The following SLC7A7 variants were observed in gnomAD, a reference collection of about 807,000 sequenced individuals.
The protein encoded by SLC7A7 is Y+L amino acid transporter 1.
A neutral mutation model predicts 47.9 loss-of-function variants in SLC7A7; 39 were observed. That is an observed-to-expected ratio of 0.81 (90% confidence interval 0.63 to 1.06). SLC7A7 has a LOEUF of 1.06. Ranked by LOEUF, SLC7A7 falls within the 50% of genes least tolerant of loss-of-function variation. The pLI is 0.00. For missense variants in SLC7A7, 588 were observed against 632.0 expected (o/e 0.93, Z 0.75); for synonymous variants, 234 against 242.8 (o/e 0.96, Z 0.34).
intron 2 of SLC7A7, among the ~76,000 whole-genome samples, chr14:22,810,710 G>A (rs2039292847): frequency 6.6e-6 from 1 of 152,144 alleles, no homozygotes. Context: ...GGGCACAGTG[G>A]CTCATGCCTG....
At chr14:22,809,663 G>A (rs1044568619) in intron 2 of SLC7A7, among the ~76,000 whole-genome samples, 2 of 151,876 alleles carry the variant, frequency 1.3e-5, no homozygotes, top group African/African-American at 4.8e-5. Context: ...TTAGTAGAGA[G>A]GGGGTTTCAC....
chr14:22,814,088 C>A (rs1450836154), intron 1 of SLC7A7, among the ~76,000 whole-genome samples: 4 of 151,748 alleles, frequency 2.6e-5, no homozygotes, highest in African/African-American at 4.8e-5. Context: ...CCTTGCCCAG[C>A]CTCCAACTTG....
chr14:22,800,062 G>A (rs1338954444), intron 2 of SLC7A7, among the ~76,000 whole-genome samples: 1 of 152,072 alleles, frequency 6.6e-6, no homozygotes, highest in East Asian at 1.9e-4. Context: ...AAGTCTCCCT[G>A]TCCCCAAAAC....
intron 2 of SLC7A7, among the ~76,000 whole-genome samples, chr14:22,789,627 C>CAAAAAAAAAAAAAAAAAAAAAAAA (rs71115580): frequency 8.9e-6 from 1 of 112,578 alleles, no homozygotes; most frequent in African/African-American, 3.4e-5. Flanking sequence ...GACTCTGGCT[C>CAAAAAAAAAAAAAAAAAAAAAAAA]AAAAAAAAAA....
chr14:22,780,156 C>T (rs2038693430), intron 2 of SLC7A7, 105 bp from the exon 3 acceptor site: 1 of 1,486,608 alleles, frequency 6.7e-7, no homozygotes, highest in Non-Finnish European at 9.3e-7. Context: ...ATATACCCTT[C>T]AGCCAAAGAC....
chr14:22,811,200 G>T (rs2039300416), intron 2 of SLC7A7, among the ~76,000 whole-genome samples: 1 of 152,184 alleles, frequency 6.6e-6, no homozygotes, highest in South Asian at 2.1e-4. Context: ...GGAGTGAATG[G>T]GGCAATACAG....
At chr14:22,779,813 C>T (rs184063403) in intron 3 of SLC7A7, 113 bp downstream of exon 3, 2 of 990,044 alleles carry the variant, frequency 2.0e-6, no homozygotes, top group African/African-American at 1.6e-5. Context: ...ATAATAGTGC[C>T]CACCGAATAA....
At chr14:22,796,646 G>C (rs1238643504) in intron 2 of SLC7A7, among the ~76,000 whole-genome samples, 1 of 152,204 alleles carries the variant, frequency 6.6e-6, no homozygotes, top group Non-Finnish European at 1.5e-5. Context: ...TGAAGGCATA[G>C]ATGGTAAAAA....
chr14:22,787,070 C>T (rs1218693110), intron 2 of SLC7A7, among the ~76,000 whole-genome samples: 2 of 151,992 alleles, frequency 1.3e-5, no homozygotes, highest in Non-Finnish European at 2.9e-5. Flanking sequence ...AGTTCAAATC[C>T]CTTCTTTAAT....
chr14:22,774,675 T>C (rs1450796303), intron 7 of SLC7A7, among the ~76,000 whole-genome samples, 172 bp from the exon 8 acceptor site: 1 of 152,158 alleles, frequency 6.6e-6, no homozygotes, highest in Non-Finnish European at 1.5e-5. Flanking sequence ...CCCTCTCTTA[T>C]AAGTCAGTAG....
At chr14:22,790,781 C>T (rs767972822) in intron 2 of SLC7A7, among the ~76,000 whole-genome samples, 84 of 152,162 alleles carry the variant, frequency 5.5e-4, no homozygotes, top group Non-Finnish European at 9.7e-4. Context: ...AGACGAATCA[C>T]GAGTTCAAGA....
At chr14:22,810,686 C>T (rs2039292438) in intron 2 of SLC7A7, among the ~76,000 whole-genome samples, 1 of 151,894 alleles carries the variant, frequency 6.6e-6, no homozygotes, top group Non-Finnish European at 1.5e-5. Context: ...ATATTTAAGA[C>T]CTCAGTGAAG....
At chr14:22,790,448 C>T (rs575791703) in intron 2 of SLC7A7, among the ~76,000 whole-genome samples, 12 of 151,778 alleles carry the variant, frequency 7.9e-5, no homozygotes, top group Non-Finnish European at 1.5e-5. Context: ...AAACCCTTGA[C>T]AGCTCACTGG....
chr14:22,799,079 C>T (rs965205656), intron 2 of SLC7A7, among the ~76,000 whole-genome samples: 9 of 152,114 alleles, frequency 5.9e-5, no homozygotes, highest in African/African-American at 2.2e-4. Context: ...ATTTCTGAAA[C>T]CTGATTTCAC....
chr14:22,791,873 C>G (rs1259815000), intron 2 of SLC7A7, among the ~76,000 whole-genome samples: 1 of 140,262 alleles, frequency 7.1e-6, no homozygotes, highest in Non-Finnish European at 1.5e-5. Flanking sequence ...CTCGCTCTGT[C>G]GCCCAGGCTG....
chr14:22,806,129 A>C (rs1215773109), intron 2 of SLC7A7, among the ~76,000 whole-genome samples: 1 of 150,088 alleles, frequency 6.7e-6, no homozygotes, highest in Non-Finnish European at 1.5e-5. Flanking sequence ...AAAAAAAAAA[A>C]AAAAAAAAAA....
chr14:22,791,639 C>T (rs890935258), intron 2 of SLC7A7, among the ~76,000 whole-genome samples: 5 of 152,132 alleles, frequency 3.3e-5, no homozygotes, highest in Non-Finnish European at 7.4e-5. Context: ...AACTGGCATA[C>T]TCAGGCCTGC....
chr14:22,815,269 G>A (rs1297615467), intron 1 of SLC7A7, 51 bp downstream of exon 1: 1 of 430,426 alleles, frequency 2.3e-6, no homozygotes, highest in East Asian at 7.1e-5. Context: ...CAGCAAAGAG[G>A]AGGGTTAGCA....
intron 3 of SLC7A7, among the ~76,000 whole-genome samples, chr14:22,779,271 G>C (rs1278163438): frequency 6.6e-6 from 1 of 152,090 alleles, no homozygotes; most frequent in Non-Finnish European, 1.5e-5. Context: ...CCTGATTCCT[G>C]CCTCCTATCA....
Sources: gnomAD v4.1 joint callset for allele counts (sites outside exome capture counted in the v4.1 genomes callset) on GRCh38, gnomAD v4.1.1 for gene constraint, MANE v1.5 for transcripts, NCBI Gene and HGNC (gene_info 2026-07-23, HGNC 2026-07-21) for gene names.